The following TAF4B variants were observed in gnomAD, a reference collection of about 807,000 sequenced individuals.
TAF4B encodes the protein transcription initiation factor TFIID subunit 4B.
Under a neutral mutation model 86.4 loss-of-function variants are expected in TAF4B, and 38 were observed. The observed-to-expected ratio is 0.44, with a 90% CI of 0.34 to 0.58. The LOEUF is 0.58. Among genes scored for constraint, TAF4B ranks in the 20% least tolerant of loss-of-function variants. The pLI, the probability that TAF4B is intolerant of heterozygous loss-of-function variation, is 0.02. For synonymous variants in TAF4B, 388 were observed against 391.2 expected (o/e 0.99, Z 0.10); for missense variants, 988 against 1,027.6 (o/e 0.96, Z 0.53).
chr18:26,281,919 C>T (rs370228005), intron 5 of TAF4B, 52 bp from the exon 6 acceptor site: 3 of 1,356,052 alleles, frequency 2.2e-6, no homozygotes, highest in Non-Finnish European at 3.1e-6. Flanking sequence ...TACTTTGTCT[C>T]TTTTAAAAGA....
intron 1 of TAF4B, among the ~76,000 whole-genome samples, chr18:26,256,509 C>T (rs1182832016): frequency 6.6e-6 from 1 of 151,942 alleles, no homozygotes; most frequent in Non-Finnish European, 1.5e-5. Context: ...TCTCTATTTG[C>T]CCCTGCTCTT....
chr18:26,247,830 C>T (rs372459840), intron 1 of TAF4B, among the ~76,000 whole-genome samples: 14 of 152,210 alleles, frequency 9.2e-5, no homozygotes, highest in South Asian at 4.1e-4. Context: ...GGGCCAAGAT[C>T]GTGCCACTGC....
chr18:26,369,690 A>G (rs2057394201), intron 14 of TAF4B, among the ~76,000 whole-genome samples: 1 of 152,178 alleles, frequency 6.6e-6, no homozygotes, highest in East Asian at 1.9e-4. Context: ...GGCTCCTCTG[A>G]ACCGTGGGCC....
In TAF4B at chr18:26,320,630, C is replaced by G. The variant is rs140972786; in HGVS notation, c.2003-440C>G. Among the ~76,000 whole-genome samples, 16 of 152,294 alleles carry G rather than the reference C, an allele frequency of 1.1e-4. No individual in the cohort carries two copies. The East Asian group carries it at 3.1e-3, about 29-fold the overall frequency. The stretch of plus-strand genomic sequence containing the variant: ...GTATGTCTTGTAGACAAGGCATTAA[C>G]AGAGACTCATAATCTGAATTCATTT... On this transcript the variant is annotated intron_variant, in intron 10 of 14. Coordinates refer to ENST00000269142, the MANE Select transcript of TAF4B (RefSeq NM_005640.3).
In TAF4B at chr18:26,321,143, A is replaced by G. The variant is rs1166206317; in HGVS notation, c.2076A>G (p.Leu692=). The change falls in exon 11 of 15, where the codon CTA becomes CTG. Residue 692 remains leucine, a synonymous_variant. Coordinates refer to ENST00000269142, the MANE Select transcript of TAF4B (RefSeq NM_005640.3). ...NLISQATQER[L]RGLLEKLTAI... is the part of the protein sequence containing the mutation. ...TCTCCCAAGCAACACAGGAACGACT[A>G]CGAGGCCTTCTAGAAAAACTGACTG... 9 of 1,613,778 alleles carry G rather than the reference A, an allele frequency of 5.6e-6. No individual in the cohort carries two copies. Among genetic ancestry groups the G allele is most frequent in the South Asian group, 3.3e-5 (3 of 91,080 alleles).
chr18:26,320,067 A>G (rs955181604), intron 10 of TAF4B, among the ~76,000 whole-genome samples: 9 of 152,128 alleles, frequency 5.9e-5, no homozygotes, highest in Non-Finnish European at 8.8e-5. Flanking sequence ...TATAATATCA[A>G]TGTATTTGAG....
intron 1 of TAF4B, among the ~76,000 whole-genome samples, chr18:26,235,336 G>T (rs1289165730): frequency 6.6e-6 from 1 of 152,138 alleles, no homozygotes; most frequent in Non-Finnish European, 1.5e-5. Flanking sequence ...TAATGTCATA[G>T]GGCAAGGATA....
intron 13 of TAF4B, among the ~76,000 whole-genome samples, chr18:26,355,700 T>TG (rs2057283555): frequency 6.6e-6 from 1 of 152,184 alleles, no homozygotes; most frequent in African/African-American, 2.4e-5. Context: ...ACCTTTTATT[T>TG]GGTTTGACTA....
intron 10 of TAF4B, among the ~76,000 whole-genome samples, chr18:26,319,545 T>A (rs2056942525): frequency 6.6e-6 from 1 of 151,920 alleles, no homozygotes; most frequent in African/African-American, 2.4e-5. Flanking sequence ...ACTTTTTCTT[T>A]TATAGAAGGC....
intron 1 of TAF4B, among the ~76,000 whole-genome samples, chr18:26,232,203 G>T (rs2055682478): frequency 6.6e-6 from 1 of 152,132 alleles, no homozygotes; most frequent in Non-Finnish European, 1.5e-5. Context: ...AGTCCAGCTG[G>T]CTTCACCTCT....
intron 9 of TAF4B, among the ~76,000 whole-genome samples, chr18:26,302,906 T>A (rs995035858): frequency 2.6e-5 from 4 of 152,188 alleles, no homozygotes; most frequent in African/African-American, 4.8e-5. Flanking sequence ...TAATCTTTTT[T>A]ATCTCTATTT....
chr18:26,336,242 A>G (rs2057090446), intron 13 of TAF4B, among the ~76,000 whole-genome samples: 1 of 152,234 alleles, frequency 6.6e-6, no homozygotes, highest in South Asian at 2.1e-4. Context: ...TTTGTGCTAA[A>G]TAAGAGTGAT....
At chr18:26,245,319 T>C (rs1169299722) in intron 1 of TAF4B, among the ~76,000 whole-genome samples, 1 of 152,180 alleles carries the variant, frequency 6.6e-6, no homozygotes, top group Non-Finnish European at 1.5e-5. Flanking sequence ...AGAATGAAGC[T>C]GCAGACCTTC....
At chr18:26,366,822 A>G (rs1348042746) in intron 14 of TAF4B, among the ~76,000 whole-genome samples, 1 of 152,216 alleles carries the variant, frequency 6.6e-6, no homozygotes. Flanking sequence ...ACCTAATACA[A>G]TCATTATATA....
chr18:26,296,138 A>G (rs908089748), intron 9 of TAF4B, among the ~76,000 whole-genome samples: 4 of 151,192 alleles, frequency 2.6e-5, no homozygotes, highest in Admixed American at 6.6e-5. Flanking sequence ...CCTTTCTTCA[A>G]TGCCTCTTTT....
intron 14 of TAF4B, among the ~76,000 whole-genome samples, chr18:26,379,296 A>AT (rs1422578882): frequency 1.3e-5 from 2 of 152,020 alleles, no homozygotes; most frequent in Non-Finnish European, 2.9e-5. Context: ...TGTTGTGAAG[A>AT]TTTACCCTGT....
chr18:26,366,987 C>T (rs1206468857), intron 14 of TAF4B, among the ~76,000 whole-genome samples: 1 of 152,122 alleles, frequency 6.6e-6, no homozygotes, highest in African/African-American at 2.4e-5. Context: ...GGATTAGTTG[C>T]TTCCCCAAAG....
chr18:26,374,424 AT>A (rs1263846176), intron 14 of TAF4B, among the ~76,000 whole-genome samples: 1 of 152,124 alleles, frequency 6.6e-6, no homozygotes, highest in Non-Finnish European at 1.5e-5. Flanking sequence ...TTATATTGTT[AT>A]TATTCCATAA....
intron 13 of TAF4B, among the ~76,000 whole-genome samples, chr18:26,356,234 G>C (rs2057288187): frequency 6.6e-6 from 1 of 152,076 alleles, no homozygotes; most frequent in South Asian, 2.1e-4. Flanking sequence ...AGGGCACTAA[G>C]TCTCCACCCT....
Sources: allele counts gnomAD v4.1 joint callset (sites outside exome capture counted in the v4.1 genomes callset), GRCh38; gene constraint gnomAD v4.1.1; transcripts MANE v1.5; gene names NCBI Gene and HGNC (gene_info 2026-07-23, HGNC 2026-07-21).